CNTN5: variants seen among roughly 807,000 people sequenced by gnomAD.
CNTN5 encodes contactin-5.
Under a neutral mutation model 129.1 loss-of-function variants are expected in CNTN5, and 77 were observed. The ratio of observed to expected loss-of-function variants is 0.60; its 90% CI spans 0.50 to 0.72. CNTN5 has a LOEUF of 0.72. Ranked by LOEUF, CNTN5 falls within the 30% of genes least tolerant of loss-of-function variation. The pLI, the probability that CNTN5 is intolerant of heterozygous loss-of-function variation, is 0.00. For synonymous variants in CNTN5, 509 were observed against 465.6 expected, an observed-to-expected ratio of 1.09 and a Z score of -1.20; for missense variants, 1,478 against 1,328.8, an observed-to-expected ratio of 1.11 and a Z score of -1.75.
rs5794026 is a variant in CNTN5 at position 99,877,611 on chromosome 11, TAA to T, written c.577+32358_577+32359del. Among the ~76,000 whole-genome samples, 514 of 151,730 alleles carry T rather than the reference TAA, an allele frequency of 3.4e-3. 1 individual carries two copies. Among genetic ancestry groups the T allele is most frequent in the African/African-American group, 0.012 (492 of 41,402 alleles). The stretch of plus-strand genomic sequence containing the variant: ...GTTTATTTCTTCATAATCTTTAGTT[TAA>T]AAAAAAAATAAGGAAAGTGCTGTTT... On this transcript the variant is annotated intron_variant, in intron 6 of 24. Transcript: ENST00000524871.
intron 13 of CNTN5, among the ~76,000 whole-genome samples, chr11:100,165,356 T>A (rs1465182041): frequency 6.6e-6 from 1 of 151,740 alleles, no homozygotes; most frequent in African/African-American, 2.4e-5. Flanking sequence ...GTTTCTCACA[T>A]AGCAGGTGCT....
At chr11:99,889,090 G>C (rs1948977429) in intron 6 of CNTN5, among the ~76,000 whole-genome samples, 1 of 152,050 alleles carries the variant, frequency 6.6e-6, no homozygotes, top group Admixed American at 6.6e-5. Context: ...ATAGAGAGCA[G>C]GCAAAATGAA....
At chr11:99,766,660 G>A (rs1021468130) in intron 3 of CNTN5, among the ~76,000 whole-genome samples, 1 of 151,944 alleles carries the variant, frequency 6.6e-6, no homozygotes, top group African/African-American at 2.4e-5. Context: ...TACCCCCATC[G>A]CTGCTGTTAA....
chr11:99,599,348 GA>G (rs1192717796), intron 3 of CNTN5, among the ~76,000 whole-genome samples: 2 of 151,950 alleles, frequency 1.3e-5, no homozygotes, highest in African/African-American at 2.4e-5. Flanking sequence ...TTTTCTGAGA[GA>G]TTTTTTTAAC....
At chr11:99,786,071 G>T (rs951947188) in intron 3 of CNTN5, among the ~76,000 whole-genome samples, 1 of 152,034 alleles carries the variant, frequency 6.6e-6, no homozygotes, top group African/African-American at 2.4e-5. Flanking sequence ...AATTGTGTCT[G>T]TTTGCAGATC....
At chr11:99,616,213 A>G (rs921705603) in intron 3 of CNTN5, among the ~76,000 whole-genome samples, 1 of 152,118 alleles carries the variant, frequency 6.6e-6, no homozygotes, top group Non-Finnish European at 1.5e-5. Context: ...TGTTCCCTCT[A>G]CTTCCCCTAA....
intron 1 of CNTN5, among the ~76,000 whole-genome samples, chr11:99,125,864 A>G (rs1858600476): frequency 6.6e-6 from 1 of 152,230 alleles, no homozygotes; most frequent in South Asian, 2.1e-4. Flanking sequence ...GATCCAAGGT[A>G]CAATGAAAAT....
intron 13 of CNTN5, among the ~76,000 whole-genome samples, chr11:100,179,931 A>C (rs1948084768): frequency 6.6e-6 from 1 of 152,064 alleles, no homozygotes; most frequent in Non-Finnish European, 1.5e-5. Flanking sequence ...TTTCCCACAA[A>C]GAAAACTTTA....
At chr11:99,335,103 C>T (rs938534954) in intron 2 of CNTN5, among the ~76,000 whole-genome samples, 1 of 152,100 alleles carries the variant, frequency 6.6e-6, no homozygotes, top group Non-Finnish European at 1.5e-5. Context: ...ATAATAACAG[C>T]AATAGCAAAT....
At chr11:99,191,789 C>T (rs553279898) in intron 1 of CNTN5, among the ~76,000 whole-genome samples, 3 of 151,364 alleles carry the variant, frequency 2.0e-5, no homozygotes, top group African/African-American at 7.3e-5. Flanking sequence ...CACAATATAC[C>T]ACAACTTAAA....
intron 2 of CNTN5, among the ~76,000 whole-genome samples, chr11:99,407,402 C>T (rs1211006039): frequency 1.3e-5 from 2 of 151,554 alleles, no homozygotes; most frequent in South Asian, 2.1e-4. Flanking sequence ...GTGCCCTGTC[C>T]TGCTGTGGCT....
At chr11:100,149,855 C>G (rs1027259702) in intron 13 of CNTN5, among the ~76,000 whole-genome samples, 13 of 142,474 alleles carry the variant, frequency 9.1e-5, no homozygotes, top group Admixed American at 1.5e-4. Context: ...GCTTGTGCCA[C>G]TGCATTCCAG....
intron 13 of CNTN5, among the ~76,000 whole-genome samples, chr11:100,138,882 C>T (rs939511856): frequency 2.0e-5 from 3 of 152,084 alleles, no homozygotes; most frequent in Non-Finnish European, 2.9e-5. Flanking sequence ...GTGGCTTGAA[C>T]CACAATGCTT....
At chr11:99,410,572 AAGAG>A (rs141586619) in intron 2 of CNTN5, among the ~76,000 whole-genome samples, 2 of 151,766 alleles carry the variant, frequency 1.3e-5, no homozygotes, top group African/African-American at 4.8e-5. Context: ...ACCAGAGAAG[AAGAG>A]AGAGAGAGAG....
chr11:99,046,205 TG>T (rs1349624514), intron 1 of CNTN5, among the ~76,000 whole-genome samples: 1 of 151,992 alleles, frequency 6.6e-6, no homozygotes, highest in Non-Finnish European at 1.5e-5. Context: ...CTGGGTGTGG[TG>T]GTGCACACCT....
intron 1 of CNTN5, among the ~76,000 whole-genome samples, chr11:99,039,129 C>T (rs927036359): frequency 1.3e-5 from 2 of 151,940 alleles, no homozygotes; most frequent in Non-Finnish European, 2.9e-5. Context: ...AGAATAGAGT[C>T]CATTAATTCA....
At chr11:99,148,042 C>G (rs974331703) in intron 1 of CNTN5, among the ~76,000 whole-genome samples, 2 of 152,052 alleles carry the variant, frequency 1.3e-5, no homozygotes, top group Non-Finnish European at 2.9e-5. Context: ...TATTAAACAT[C>G]ATGCTTCATA....
chr11:99,380,299 T>C (rs1940461277), intron 2 of CNTN5, among the ~76,000 whole-genome samples: 1 of 152,174 alleles, frequency 6.6e-6, no homozygotes, highest in Non-Finnish European at 1.5e-5. Context: ...ACAAAATCTT[T>C]CTATTTATTT....
intron 3 of CNTN5, among the ~76,000 whole-genome samples, chr11:99,661,422 A>G (rs768566897): frequency 6.6e-6 from 1 of 152,316 alleles, no homozygotes; most frequent in Non-Finnish European, 1.5e-5. Flanking sequence ...GTGCCTGTGT[A>G]CAGAGTTATT....
Sources: allele counts gnomAD v4.1 joint callset (sites outside exome capture counted in the v4.1 genomes callset), GRCh38; gene constraint gnomAD v4.1.1; transcripts MANE v1.5; gene names NCBI Gene and HGNC (gene_info 2026-07-23, HGNC 2026-07-21).